Variants in ITGAL observed in about 807,000 individuals in gnomAD.
ITGAL encodes the protein integrin subunit alpha L, also known as integrin alpha-L.
ITGAL carries 68 observed loss-of-function variants against 138.4 expected under a neutral mutation model. The observed-to-expected ratio is 0.49, with a 90% CI of 0.40 to 0.60. The LOEUF is 0.60. ITGAL is among the 20% of genes least tolerant of loss of function. The pLI is 0.00. For missense variants in ITGAL, 1,256 were observed against 1,478.6 expected (o/e 0.85, Z 2.47); for synonymous variants, 561 against 584.3 (o/e 0.96, Z 0.57).
At chr16:30,481,366 A>AGCATT in intron 6 of ITGAL, 73 bp from the exon 7 acceptor site, 3 of 963,442 alleles carry the variant, frequency 3.1e-6, no homozygotes, top group Non-Finnish European at 3.0e-6. Context: ...AAAAAAAAAA[A>AGCATT]AGAAGTAGAG....
intron 4 of ITGAL, 100 bp downstream of exon 4, chr16:30,475,680 G>A (rs940188078): frequency 2.4e-6 from 2 of 841,408 alleles, no homozygotes; most frequent in African/African-American, 3.4e-5. Flanking sequence ...TCCCACAGAT[G>A]GTCAAAGGCA....
chr16:30,475,394 C>T lies in ITGAL; in HGVS notation c.253C>T (p.Leu85=), dbSNP rs1172909700. The T allele has an allele frequency of 6.2e-7, 1 of 1,612,916 alleles. No homozygotes were observed. The highest frequency in any genetic ancestry group is 1.3e-5 in the African/African-American group (1 of 75,000). The change falls in exon 3 of 31, where the codon CTG becomes TTG. Residue 85 remains leucine (L), a synonymous_variant. Coordinates refer to ENST00000356798, the MANE Select transcript of ITGAL (RefSeq NM_002209.3). ...SGTGHCLPVT[L]RGSNYTSKYL... The stretch of plus-strand genomic sequence containing the variant: ...CACAGGACACTGCCTGCCAGTCACC[C>T]TGAGAGGTGAGTAACTGGGGGGTGA...
In ITGAL at chr16:30,496,097, T is replaced by C. The variant is rs1460661295; in HGVS notation, c.1504T>C (p.Leu502=). The change falls in exon 14 of 31, where the codon TTG becomes CTG. Residue 502 remains leucine (L), a splice_region_variant and synonymous_variant. Transcript: ENST00000356798. ...GRVFIYQRRQ[L]GFEEVSELQG... is the part of the protein sequence containing the mutation. ...TGACCTGTCTCTTGCTACTTCCTAG[T>C]TGGGGTTTGAAGAAGTCTCAGAGCT... The C allele has an allele frequency of 5.0e-6, 8 of 1,613,254 alleles. No homozygotes were observed. In the African/African-American group the frequency reaches 5.3e-5, roughly 11 times the overall value.
intron 9 of ITGAL, among the ~76,000 whole-genome samples, chr16:30,486,890 G>A (rs1304949796): frequency 6.6e-6 from 1 of 152,058 alleles, no homozygotes; most frequent in African/African-American, 2.4e-5. Flanking sequence ...CAAACTCCTG[G>A]GCTCAAGCAG....
In ITGAL at chr16:30,499,385, C is replaced by T; in HGVS notation, c.2041C>T (p.Arg681Trp). ...LTYTLQLDGH[R>W]TRRRGLFPGG... ...TTACACTCTGCAGCTGGATGGCCAC[C>T]GGACCAGAAGACGGGGGTTGTTCCC... Residue 681 changes from arginine to tryptophan, a missense_variant, in exon 17 of 31, where the codon CGG becomes TGG. By Grantham distance (101) the Arg-to-Trp change is moderately radical. This residue lies in a region of ITGAL where 867 missense variants were observed against 972.5 expected (regional missense o/e 0.89). Coordinates refer to ENST00000356798, the MANE Select transcript of ITGAL (RefSeq NM_002209.3). 4.3e-6 allele frequency: 7 copies of T among 1,614,052 alleles called. No homozygotes were observed. The highest frequency in any genetic ancestry group is 5.9e-6 in the Non-Finnish European group (7 of 1,180,036).
chr16:30,518,539 T>TC, intron 28 of ITGAL, 85 bp from the exon 29 acceptor site: 1 of 858,234 alleles, frequency 1.2e-6, no homozygotes, highest in Non-Finnish European at 2.0e-6. Context: ...TCTCTGCCCC[T>TC]CCCCACTGTG....
intron 25 of ITGAL, 32 bp downstream of exon 25, chr16:30,513,878 G>A (rs984391302): frequency 6.7e-7 from 1 of 1,485,542 alleles, no homozygotes; most frequent in African/African-American, 1.4e-5. Flanking sequence ...GTCCTTATAG[G>A]TCACACATTC....
intron 24 of ITGAL, 103 bp from the exon 25 acceptor site, chr16:30,513,668 G>T: frequency 1.2e-6 from 1 of 804,412 alleles, no homozygotes. Flanking sequence ...GAATGAGATG[G>T]TATCTGTGCC....
chr16:30,499,733 A>ATACGTATATATATATATATATATATATTT, intron 17 of ITGAL, among the ~76,000 whole-genome samples: 27 of 88,348 alleles, frequency 3.1e-4, no homozygotes, highest in East Asian at 1.0e-3. Flanking sequence ...ATATATATAT[A>ATACGTATATATATATATATATATATATTT]TTTTTTTTTT....
At chr16:30,513,684 T>C in intron 24 of ITGAL, 87 bp from the exon 25 acceptor site, 1 of 945,712 alleles carries the variant, frequency 1.1e-6, no homozygotes, top group Admixed American at 1.7e-5. Flanking sequence ...GTGCCGTTCC[T>C]AGCACAGTGG....
chr16:30,505,487 G>A (rs2050973504), intron 20 of ITGAL, 25 bp downstream of exon 20: 1 of 1,580,776 alleles, frequency 6.3e-7, no homozygotes, highest in South Asian at 1.1e-5. Flanking sequence ...CCACCCTCCA[G>A]CCTCCCATCC....
chr16:30,482,355 T>C (rs1187065920), intron 7 of ITGAL, among the ~76,000 whole-genome samples: 2 of 151,316 alleles, frequency 1.3e-5, no homozygotes, highest in African/African-American at 2.4e-5. Flanking sequence ...GGGGGGAAAA[T>C]AGTAGGTGAT....
chr16:30,509,677 C>G (rs1434959072), intron 21 of ITGAL, among the ~76,000 whole-genome samples: 1 of 152,094 alleles, frequency 6.6e-6, no homozygotes, highest in Non-Finnish European at 1.5e-5. Flanking sequence ...AACTCCTGGG[C>G]TCAAGTGATT....
Position 30,504,368 on chromosome 16 carries a change from T to C in ITGAL, c.2235+104T>C, listed in dbSNP as rs1374380683. 8.1e-6 allele frequency: 7 copies of C among 867,606 alleles called. No homozygotes were observed. The East Asian group carries it at 1.5e-4, about 19-fold the overall frequency. 53.7% of individuals were successfully genotyped at this position (867,606 alleles called of 1,614,324 possible). On this transcript the variant is annotated intron_variant, in intron 18 of 30. Coordinates refer to ENST00000356798, the MANE Select transcript of ITGAL (RefSeq NM_002209.3). The stretch of plus-strand genomic sequence containing the variant: ...AGCACACTCCTATAATCCCAGCACT[T>C]TGGGAGGCTGAAGTGGGTGGATCAC...
At chr16:30,519,679 G>C in intron 29 of ITGAL, 178 bp from the exon 30 acceptor site, 1 of 624,880 alleles carries the variant, frequency 1.6e-6, no homozygotes. Flanking sequence ...GGTGTGTGTT[G>C]GCCAACTCAT....
At chr16:30,492,820 A>C (rs1329145997) in intron 11 of ITGAL, among the ~76,000 whole-genome samples, 3 of 152,118 alleles carry the variant, frequency 2.0e-5, no homozygotes, top group Non-Finnish European at 4.4e-5. Flanking sequence ...CTGGGATTAC[A>C]GGCGTGAGCC....
At chr16:30,485,375 A>T (rs551697033) in intron 9 of ITGAL, among the ~76,000 whole-genome samples, 4 of 147,802 alleles carry the variant, frequency 2.7e-5, no homozygotes, top group East Asian at 4.2e-4. Flanking sequence ...TACAGGCGCC[A>T]GCCACCACGC....
chr16:30,487,142 CAAAAAAAAAAAA>C (rs1165678423), intron 9 of ITGAL, among the ~76,000 whole-genome samples: 1 of 42,960 alleles, frequency 2.3e-5, no homozygotes, highest in Non-Finnish European at 4.9e-5. Context: ...GACTCCGTCT[CAAAAAAAAAAAA>C]AAAAAAAAAA....
rs1481700010 is a variant in ITGAL, at chr16:30,474,180, C to A, written c.62-16C>A. The A allele has an allele frequency of 6.3e-7, 1 of 1,577,626 alleles. No individual in the cohort carries two copies. Among genetic ancestry groups the A allele is most frequent in the South Asian group, 1.1e-5 (1 of 87,374 alleles). ...GGGGTCCCTCGGTCGCAGCTGACGA[C>A]CCTTGCCTTCCTCAGCGCCGGCCTC... On this transcript the variant is annotated splice_polypyrimidine_tract_variant and intron_variant, in intron 1 of 30. Transcript: ENST00000356798.
Sources: allele counts gnomAD v4.1 joint callset (sites outside exome capture counted in the v4.1 genomes callset), GRCh38; gene constraint gnomAD v4.1.1; regional missense constraint gnomAD v4.1.1; transcripts MANE v1.5; gene names NCBI Gene and HGNC (gene_info 2026-07-23, HGNC 2026-07-21).